Variants in NFX1 observed in about 807,000 individuals in gnomAD.
The protein encoded by NFX1 is transcriptional repressor NF-X1.
In NFX1, 69 loss-of-function variants were observed where a neutral mutation model predicts 137.2. That is an observed-to-expected ratio of 0.50 (90% CI 0.41 to 0.61). The LOEUF is 0.61. Ranked by LOEUF, NFX1 falls within the 20% of genes least tolerant of loss-of-function variation. The pLI, the probability that NFX1 is intolerant of heterozygous loss-of-function variation, is 0.00. For synonymous variants in NFX1, 495 were observed against 474.1 expected (o/e 1.04, Z -0.57); for missense variants, 1,167 against 1,391.0 (o/e 0.84, Z 2.56).
chr9:33,353,327 G>A (rs982222019), intron 17 of NFX1, among the ~76,000 whole-genome samples: 1 of 152,166 alleles, frequency 6.6e-6, no homozygotes, highest in African/African-American at 2.4e-5. Flanking sequence ...GTTTCTAATT[G>A]TTCTGTGAGG....
intron 14 of NFX1, among the ~76,000 whole-genome samples, 178 bp from the exon 15 acceptor site, chr9:33,346,860 G>A (rs575389921): frequency 6.6e-6 from 1 of 152,210 alleles, no homozygotes; most frequent in East Asian, 1.9e-4. Flanking sequence ...ACTCATGCTT[G>A]TCCTTCAACA....
intron 5 of NFX1, 29 bp downstream of exon 5, chr9:33,307,328 T>C: frequency 6.3e-7 from 1 of 1,579,060 alleles, no homozygotes; most frequent in Non-Finnish European, 8.7e-7. Flanking sequence ...TCCGTTGGGA[T>C]TGCTGGTGGA....
chr9:33,357,099 C>G (rs1489276403), intron 19 of NFX1, among the ~76,000 whole-genome samples: 1 of 151,500 alleles, frequency 6.6e-6, no homozygotes, highest in Non-Finnish European at 1.5e-5. Flanking sequence ...ATCACAAGGT[C>G]AGCAGATCGA....
At chr9:33,291,803 T>C (rs933015322) in intron 1 of NFX1, among the ~76,000 whole-genome samples, 13 of 152,126 alleles carry the variant, frequency 8.5e-5, no homozygotes, top group Admixed American at 8.5e-4. Flanking sequence ...CTCCGGAGGC[T>C]GAGGCAAGAG....
intron 19 of NFX1, among the ~76,000 whole-genome samples, chr9:33,363,102 A>G (rs1824054558): frequency 6.6e-6 from 1 of 151,846 alleles, no homozygotes; most frequent in African/African-American, 2.4e-5. Flanking sequence ...GTGTATTCTC[A>G]CCACAGTGAA....
Position 33,351,586 on chromosome 9 carries a change from G to T in NFX1, c.2451G>T (p.Leu817=). The stretch of plus-strand genomic sequence containing the variant: ...TTCGGAGCAACATCCCCTGTCACCT[G>T]GTTGATATCTCTTGCGGATTACCCT... The part of the protein sequence containing the change: ...HEFRSNIPCH[L]VDISCGLPCS... Residue 817 remains leucine (L), a synonymous_variant, in exon 16 of 24, where the codon CTG becomes CTT. Transcript: ENST00000379540. 6.2e-7 allele frequency: 1 copy of T among 1,614,226 alleles called. No homozygotes were observed. Among genetic ancestry groups the T allele is most frequent in the Non-Finnish European group, 8.5e-7 (1 of 1,180,046 alleles).
intron 1 of NFX1, among the ~76,000 whole-genome samples, chr9:33,291,731 G>A (rs888226915): frequency 6.6e-6 from 1 of 152,122 alleles, no homozygotes; most frequent in South Asian, 2.1e-4. Context: ...GTGAAACCCC[G>A]TCTCTACTAA....
At chr9:33,317,432 A>T (rs201754699) in intron 7 of NFX1, among the ~76,000 whole-genome samples, 8,103 of 149,978 alleles carry the variant, frequency 0.054, 310 homozygotes, top group East Asian at 0.091. Flanking sequence ...AAAAAAAAAA[A>T]AAAGAAAGAA....
chr9:33,314,300 G>A (rs905917492), intron 7 of NFX1, among the ~76,000 whole-genome samples: 1 of 151,764 alleles, frequency 6.6e-6, no homozygotes, highest in African/African-American at 2.4e-5. Context: ...AATTTAAATA[G>A]TAGATTTTAA....
Position 33,364,048 on chromosome 9 carries a change from A to G in NFX1, c.2912A>G (p.Asp971Gly), listed in dbSNP as rs769581738. ...AEAFHISEDS[D>G]PFNIRSSGSK... The stretch of plus-strand genomic sequence containing the variant: ...GCATTTCATATCAGTGAGGATTCTG[A>G]TCCTTTCAATATACGTTCTTCAGGG... The change falls in exon 20 of 24, where the codon GAT (aspartate) becomes GGT (glycine). Residue 971 changes from aspartate to glycine, a missense_variant. Physicochemically the swap from Asp to Gly is moderately conservative, Grantham distance 94. Transcript: ENST00000379540. 6.2e-7 allele frequency: 1 copy of G among 1,604,786 alleles called. No individual in the cohort carries two copies. Among genetic ancestry groups the G allele is most frequent in the East Asian group, 2.3e-5 (1 of 44,268 alleles).
In NFX1 at chr9:33,316,818, C is replaced by T. The variant is rs888507998; in HGVS notation, c.1589-1913C>T. Reference sequence around the variant, plus strand: ...GTCACCTGCTCATATTTCTGTCTCTCGTGCCTAGGAGAGCTTTTTAGTATT... The same window carrying T: ...GTCACCTGCTCATATTTCTGTCTCTTGTGCCTAGGAGAGCTTTTTAGTATT... On this transcript the variant is annotated intron_variant, in intron 7 of 23. Transcript: ENST00000379540. 2.6e-4 allele frequency among the ~76,000 whole-genome samples: 40 copies of T among 152,174 alleles called. 1 individual carries two copies. The highest frequency in any genetic ancestry group is 2.6e-3 in the Admixed American group (39 of 15,268).
At chr9:33,353,680 T>C (rs989300881) in intron 17 of NFX1, among the ~76,000 whole-genome samples, 1 of 150,528 alleles carries the variant, frequency 6.6e-6, no homozygotes, top group African/African-American at 2.5e-5. Context: ...TCTGATAGAT[T>C]TGCTTTTTTT....
chr9:33,313,588 TGTTA>T, intron 6 of NFX1, 62 bp from the exon 7 acceptor site: 1 of 1,547,992 alleles, frequency 6.5e-7, no homozygotes, highest in Non-Finnish European at 8.9e-7. Flanking sequence ...GGGGCCGCAG[TGTTA>T]GTTTGGTTGT....
chr9:33,364,058 T>A lies in NFX1; in HGVS notation c.2922T>A (p.Asn974Lys). Reference protein sequence around the residue: ...FHISEDSDPFNIRSSGSKFSD... With the variant: ...FHISEDSDPFKIRSSGSKFSD... ...TCAGTGAGGATTCTGATCCTTTCAA[T>A]ATACGTTCTTCAGGGTCAAAATTCA... The change falls in exon 20 of 24, where the codon AAT (asparagine) becomes AAA (lysine). Residue 974 changes from asparagine to lysine, a missense_variant. Asn to Lys is a moderately conservative substitution (Grantham distance 94). Coordinates refer to ENST00000379540, the MANE Select transcript of NFX1 (RefSeq NM_002504.6). The A allele has an allele frequency of 1.2e-6, 2 of 1,606,984 alleles. No homozygotes were observed. The highest frequency in any genetic ancestry group is 1.7e-6 in the Non-Finnish European group (2 of 1,177,138).
At chr9:33,342,490 A>G (rs1178521578) in intron 12 of NFX1, among the ~76,000 whole-genome samples, 2 of 152,226 alleles carry the variant, frequency 1.3e-5, no homozygotes, top group Non-Finnish European at 2.9e-5. Flanking sequence ...TATCAAATAT[A>G]TGCAGAAGCA....
Position 33,318,690 on chromosome 9 carries a change from A to T in NFX1, c.1589-41A>T, listed in dbSNP as rs187534353. The stretch of plus-strand genomic sequence containing the variant: ...TATTTGTGACATTTTAAGAACCCAT[A>T]CATGTTACTAACGTTTTGTTTTTGA... On this transcript the variant is annotated intron_variant, in intron 7 of 23. Coordinates refer to ENST00000379540, the MANE Select transcript of NFX1 (RefSeq NM_002504.6). The T allele has an allele frequency of 4.8e-5, 74 of 1,540,484 alleles. 1 individual carries two copies. In the African/African-American group the frequency reaches 9.5e-4, roughly 20 times the overall value.
At chr9:33,360,236 A>C (rs989388919) in intron 19 of NFX1, among the ~76,000 whole-genome samples, 3 of 152,222 alleles carry the variant, frequency 2.0e-5, no homozygotes, top group African/African-American at 7.2e-5. Context: ...CTGGAGTCAG[A>C]TTGTCTGGAT....
At chr9:33,338,229 C>T (rs139687818) in intron 11 of NFX1, among the ~76,000 whole-genome samples, 7 of 151,936 alleles carry the variant, frequency 4.6e-5, no homozygotes, top group Non-Finnish European at 7.4e-5. Context: ...GTGGCAGGCA[C>T]CTGTAAGCCC....
chr9:33,365,649 C>G (rs1199771717), intron 21 of NFX1: 1 of 152,278 alleles, frequency 6.6e-6, no homozygotes, highest in Non-Finnish European at 1.5e-5. Context: ...AAGATGCTGG[C>G]CAAGTGCCTA....
Sources: allele counts gnomAD v4.1 joint callset (sites outside exome capture counted in the v4.1 genomes callset), GRCh38; gene constraint gnomAD v4.1.1; transcripts MANE v1.5; gene names NCBI Gene and HGNC (gene_info 2026-07-23, HGNC 2026-07-21).